Variants in TNS4 observed in about 807,000 individuals in gnomAD.
TNS4 encodes tensin-4.
TNS4 carries 46 observed loss-of-function variants against 70.4 expected under a neutral mutation model. The ratio of observed to expected loss-of-function variants is 0.65; its 90% confidence interval spans 0.52 to 0.84. TNS4 has a LOEUF of 0.84. Among genes scored for constraint, TNS4 ranks in the 40% least tolerant of loss-of-function variants. The pLI, the probability that TNS4 is intolerant of heterozygous loss-of-function variation, is 0.00. For synonymous variants in TNS4, 390 were observed against 366.6 expected, an observed-to-expected ratio of 1.06 and a Z score of -0.73; for missense variants, 863 against 907.0, an observed-to-expected ratio of 0.95 and a Z score of 0.62.
In TNS4 at chr17:40,488,771, C is replaced by T. The variant is rs753292298; in HGVS notation, c.638G>A (p.Arg213His). 72 of 1,609,210 alleles carry T rather than the reference C, an allele frequency of 4.5e-5. No individual in the cohort carries two copies. Among genetic ancestry groups the T allele is most frequent in the Non-Finnish European group, 5.2e-5 (61 of 1,178,476 alleles). Residue 213 changes from arginine to histidine, a missense_variant, in exon 3 of 13, where the codon CGC becomes CAC. Arg to His is a conservative substitution (Grantham distance 29). Coordinates refer to ENST00000254051, the MANE Select transcript of TNS4 (RefSeq NM_032865.6). ...GAGACCCTCTGAGGGGGGCAGAGGG[C>T]GCTGGTGCCCCCTGCCCTGGTTCCC... Reference protein sequence around the residue: ...FSGNQGRGHQRPLPPSEGLSP... With the variant: ...FSGNQGRGHQHPLPPSEGLSP...
intron 1 of TNS4, among the ~76,000 whole-genome samples, chr17:40,501,133 C>G (rs1037044826): frequency 1.3e-5 from 2 of 152,168 alleles, no homozygotes; most frequent in Admixed American, 1.3e-4. Flanking sequence ...TCACTCTGAG[C>G]CCTGAGAAAT....
chr17:40,498,171 C>T (rs549901009), intron 1 of TNS4, among the ~76,000 whole-genome samples: 1 of 152,232 alleles, frequency 6.6e-6, no homozygotes, highest in African/African-American at 2.4e-5. Context: ...GTTTTGGAGT[C>T]AGACCTTAGC....
chr17:40,485,524 T>C (rs765621712), intron 4 of TNS4, among the ~76,000 whole-genome samples: 16 of 152,224 alleles, frequency 1.1e-4, no homozygotes, highest in Non-Finnish European at 1.5e-4. Flanking sequence ...ATCTTGACTC[T>C]GATATGGGAT....
chr17:40,498,225 G>A (rs949863661), intron 1 of TNS4, among the ~76,000 whole-genome samples: 1 of 152,162 alleles, frequency 6.6e-6, no homozygotes, highest in Admixed American at 6.5e-5. Flanking sequence ...AGAGAAAGTG[G>A]ACTCTGGGAT....
intron 3 of TNS4, among the ~76,000 whole-genome samples, chr17:40,487,721 T>A (rs1456332373): frequency 6.6e-6 from 1 of 152,212 alleles, no homozygotes; most frequent in Non-Finnish European, 1.5e-5. Flanking sequence ...GCTTTGGGCA[T>A]AGGCTGGCCC....
At chr17:40,496,650 G>T in intron 1 of TNS4, 130 bp from the exon 2 acceptor site, 1 of 547,188 alleles carries the variant, frequency 1.8e-6, no homozygotes, top group Non-Finnish European at 3.2e-6. Flanking sequence ...ACCTGAGTTT[G>T]CAGCCTGGCT....
In TNS4 at chr17:40,476,749, G is replaced by T. The variant is rs893960364; in HGVS notation, c.*839C>A. On this transcript the variant is annotated 3_prime_UTR_variant, in exon 13 of 13. Coordinates refer to ENST00000254051, the MANE Select transcript of TNS4 (RefSeq NM_032865.6). ...TGAGTTGCACATGCCTGTAATCCCA[G>T]CTACTTGGGAGCCTGAGGCAGGATA... is the stretch of plus-strand genomic sequence containing the variant. 4.6e-5 allele frequency: 7 copies of T among 152,268 alleles called. No individual in the cohort carries two copies. Among genetic ancestry groups the T allele is most frequent in the African/African-American group, 1.7e-4 (7 of 41,408 alleles). 9.4% of individuals were successfully genotyped at this position (152,268 alleles called of 1,614,324 possible). A position where few individuals can be genotyped will look rare whatever the true frequency, so the allele number is the denominator to read the frequency against.
chr17:40,496,060 C>A lies in TNS4; in HGVS notation c.366G>T (p.Gly122=). 1.2e-6 allele frequency: 2 copies of A among 1,613,358 alleles called. No homozygotes were observed. The highest frequency in any genetic ancestry group is 1.7e-6 in the Non-Finnish European group (2 of 1,179,758). ...LDPTFQLLPP[G]TGGSQAELAQ... ...CCAGCTCAGCCTGGGAGCCCCCAGT[C>A]CCTGGGGGAAGCAGCTGGAAGGTGG... The change falls in exon 2 of 13, where the codon GGG becomes GGT. Residue 122 remains glycine (G), a synonymous_variant. Coordinates refer to ENST00000254051, the MANE Select transcript of TNS4 (RefSeq NM_032865.6).
intron 6 of TNS4, 24 bp from the exon 7 acceptor site, chr17:40,482,440 T>C: frequency 1.2e-6 from 2 of 1,612,002 alleles, no homozygotes; most frequent in Non-Finnish European, 8.5e-7. Flanking sequence ...AAAGAGTGCA[T>C]TCGGATAGAA....
rs1304983572 is a variant in TNS4, at chr17:40,496,368, G to A, written c.58C>T (p.Pro20Ser). ...LAGGHAVSLA[P>S]CDEPRRTLHP... Reference sequence around the variant, plus strand: ...AGGGTCCTCCTGGGCTCATCACAAGGCGCCAAGCTGACAGCATGGCCTCCT... The same window carrying A: ...AGGGTCCTCCTGGGCTCATCACAAGACGCCAAGCTGACAGCATGGCCTCCT... The change falls in exon 2 of 13, where the codon CCT becomes TCT. Residue 20 changes from proline to serine, a missense_variant. Transcript: ENST00000254051. The A allele has an allele frequency of 9.9e-6, 16 of 1,613,274 alleles. No individual in the cohort carries two copies. The highest frequency in any genetic ancestry group is 1.4e-5 in the Non-Finnish European group (16 of 1,179,938).
chr17:40,494,563 C>T (rs1370388214), intron 2 of TNS4, among the ~76,000 whole-genome samples: 1 of 152,136 alleles, frequency 6.6e-6, no homozygotes, highest in Non-Finnish European at 1.5e-5. Flanking sequence ...GAAACCCTAT[C>T]TCTACTGAAA....
Sources: gnomAD v4.1 joint callset for allele counts (sites outside exome capture counted in the v4.1 genomes callset) on GRCh38, gnomAD v4.1.1 for gene constraint, MANE v1.5 for transcripts, NCBI Gene and HGNC (gene_info 2026-07-23, HGNC 2026-07-21) for gene names.